ANTXR2: variants seen among roughly 807,000 people sequenced by gnomAD.
ANTXR2 encodes ANTXR cell adhesion molecule 2.
A neutral mutation model predicts 73.7 loss-of-function variants in ANTXR2; 44 were observed. The ratio of observed to expected loss-of-function variants is 0.60; its 90% CI spans 0.47 to 0.77. ANTXR2 has a LOEUF of 0.77. ANTXR2 is among the 30% of genes least tolerant of loss of function. The probability of loss-of-function intolerance (pLI) is 0.00; values close to 1 mark genes in which losing one functional copy is unlikely to be tolerated. For missense variants in ANTXR2, 604 were observed against 592.5 expected (o/e 1.02, Z -0.20); for synonymous variants, 217 against 205.9 (o/e 1.05, Z -0.46).
chr4:79,995,708 A>G (rs1730692031), intron 12 of ANTXR2, among the ~76,000 whole-genome samples: 1 of 151,990 alleles, frequency 6.6e-6, no homozygotes. Context: ...AGAACATTAG[A>G]GTTCTTTTCA....
intron 16 of ANTXR2, among the ~76,000 whole-genome samples, chr4:79,949,596 T>C (rs1371532891): frequency 6.6e-6 from 1 of 152,178 alleles, no homozygotes; most frequent in Non-Finnish European, 1.5e-5. Flanking sequence ...CTTTTTAAGT[T>C]TCTAACTCCA....
chr4:79,947,736 T>C (rs1728568249), intron 16 of ANTXR2, among the ~76,000 whole-genome samples: 2 of 152,166 alleles, frequency 1.3e-5, no homozygotes, highest in Non-Finnish European at 2.9e-5. Context: ...TGCACAATAA[T>C]TAGTATCCAC....
intron 11 of ANTXR2, among the ~76,000 whole-genome samples, chr4:80,012,017 G>T (rs1266507168): frequency 6.6e-6 from 1 of 152,212 alleles, no homozygotes; most frequent in African/African-American, 2.4e-5. Flanking sequence ...CAGGGTGACT[G>T]CTGCCCTTGC....
intron 16 of ANTXR2, among the ~76,000 whole-genome samples, chr4:79,959,662 C>T (rs1316745690): frequency 1.3e-5 from 2 of 152,222 alleles, no homozygotes; most frequent in African/African-American, 4.8e-5. Context: ...AGTTTAGATA[C>T]ATCTGGTGAG....
chr4:79,934,349 CA>C (rs1485870554), intron 16 of ANTXR2, among the ~76,000 whole-genome samples: 1 of 151,958 alleles, frequency 6.6e-6, no homozygotes, highest in African/African-American at 2.4e-5. Flanking sequence ...GCCAACATGG[CA>C]AAACCCTGAG....
intron 3 of ANTXR2, among the ~76,000 whole-genome samples, chr4:80,066,389 C>T (rs1057220464): frequency 1.3e-5 from 2 of 152,062 alleles, no homozygotes; most frequent in African/African-American, 4.8e-5. Flanking sequence ...TTTCTGCCAC[C>T]CCAAACTAAT....
intron 12 of ANTXR2, among the ~76,000 whole-genome samples, chr4:79,991,618 A>G (rs1251854645): frequency 6.6e-6 from 1 of 152,146 alleles, no homozygotes; most frequent in African/African-American, 2.4e-5. Flanking sequence ...TCCCAAAGGA[A>G]TATAAATCGT....
At chr4:79,914,896 C>A (rs1386997510) in intron 16 of ANTXR2, among the ~76,000 whole-genome samples, 5 of 152,120 alleles carry the variant, frequency 3.3e-5, no homozygotes, top group Non-Finnish European at 7.4e-5. Context: ...AAGAGCACAG[C>A]TCTGTGTGGA....
intron 16 of ANTXR2, among the ~76,000 whole-genome samples, chr4:79,966,127 GACACACACACAC>G (rs10549471): frequency 6.7e-6 from 1 of 149,408 alleles, no homozygotes; most frequent in Non-Finnish European, 1.5e-5. Context: ...CTAGGACTTA[GACACACACACAC>G]ACACACACAC....
chr4:79,929,264 C>A (rs1727962859), intron 16 of ANTXR2, among the ~76,000 whole-genome samples: 1 of 152,132 alleles, frequency 6.6e-6, no homozygotes, highest in Admixed American at 6.5e-5. Context: ...CCTGTAATCC[C>A]AGCACTTTGG....
chr4:79,928,521 T>A (rs546307809), intron 16 of ANTXR2, among the ~76,000 whole-genome samples: 6 of 152,282 alleles, frequency 3.9e-5, no homozygotes, highest in African/African-American at 1.4e-4. Context: ...GTTATACATG[T>A]TTTACCATAG....
At chr4:80,018,237 G>A (rs1450977367) in intron 11 of ANTXR2, among the ~76,000 whole-genome samples, 5 of 152,084 alleles carry the variant, frequency 3.3e-5, no homozygotes, top group African/African-American at 4.8e-5. Flanking sequence ...GGTTGGTCCT[G>A]TTTAGTGCTG....
intron 7 of ANTXR2, among the ~76,000 whole-genome samples, chr4:80,039,416 G>A (rs866541799): frequency 2.6e-5 from 4 of 152,154 alleles, no homozygotes; most frequent in Middle Eastern, 3.4e-3. Flanking sequence ...ACAAAAACAA[G>A]TTAATAGTCT....
At chr4:80,029,700 A>G (rs1732601403) in intron 10 of ANTXR2, among the ~76,000 whole-genome samples, 1 of 151,940 alleles carries the variant, frequency 6.6e-6, no homozygotes, top group African/African-American at 2.4e-5. Flanking sequence ...ATGATTAAAT[A>G]GGGTAAGTTA....
chr4:79,902,548 C>T lies in ANTXR2; in HGVS notation c.*4881G>A, dbSNP rs1726746326. 1.3e-5 allele frequency: 2 copies of T among 152,134 alleles called. No homozygotes were observed. The highest frequency in any genetic ancestry group is 4.8e-5 in the African/African-American group (2 of 41,440). 9.4% of individuals were successfully genotyped at this position (152,134 alleles called of 1,614,324 possible). On this transcript the variant is annotated 3_prime_UTR_variant, in exon 17 of 17. Coordinates refer to ENST00000403729, the MANE Select transcript of ANTXR2 (RefSeq NM_058172.6). ...CTTCTTTATATATGTTTTTAAGACACTTGCTAACCCTATGAAACCAGAGTG... is the reference window on the plus strand; with the variant it reads ...CTTCTTTATATATGTTTTTAAGACATTTGCTAACCCTATGAAACCAGAGTG...
At chr4:79,931,192 T>G (rs962727888) in intron 16 of ANTXR2, among the ~76,000 whole-genome samples, 3 of 152,228 alleles carry the variant, frequency 2.0e-5, no homozygotes, top group African/African-American at 7.2e-5. Flanking sequence ...TTTGCCAAAC[T>G]TGAAAATCTT....
At position 80,026,422 on chromosome 4, in the gene ANTXR2, A is replaced by G. The variant is rs186151486; in HGVS notation, c.866+5201T>C. Among the ~76,000 whole-genome samples, 233 of 152,312 alleles carry G rather than the reference A, an allele frequency of 1.5e-3. 1 individual carries two copies. The highest frequency in any genetic ancestry group is 5.5e-3 in the African/African-American group (228 of 41,586). ...CCTTGATAAATTACCCAGTCTCGGCAGTTCTTTATAGCAGTGTGAGAACGG... is the reference window on the plus strand; with the variant it reads ...CCTTGATAAATTACCCAGTCTCGGCGGTTCTTTATAGCAGTGTGAGAACGG... On this transcript the variant is annotated intron_variant, in intron 10 of 16. Coordinates refer to ENST00000403729, the MANE Select transcript of ANTXR2 (RefSeq NM_058172.6).
chr4:80,068,879 A>G (rs1250433725), intron 3 of ANTXR2, among the ~76,000 whole-genome samples: 2 of 152,348 alleles, frequency 1.3e-5, no homozygotes, highest in African/African-American at 2.4e-5. Context: ...CATTGGTCTG[A>G]AAAAGACACC....
rs112076051 is a variant in ANTXR2 at position 80,065,369 on chromosome 4, A to C, written c.296+4067T>G. On this transcript the variant is annotated intron_variant, in intron 3 of 16. Coordinates refer to ENST00000403729, the MANE Select transcript of ANTXR2 (RefSeq NM_058172.6). ...ATACATCCCTGGGCTATTTATGTGC[A>C]TGTGTATACCTCTACTCACACACAC... is the stretch of plus-strand genomic sequence containing the variant. Among the ~76,000 whole-genome samples the C allele has an allele frequency of 2.7e-3, 416 of 152,214 alleles. 2 individuals carry two copies. The highest frequency in any genetic ancestry group is 9.1e-3 in the African/African-American group (376 of 41,524).
Sources: gnomAD v4.1 joint callset for allele counts (sites outside exome capture counted in the v4.1 genomes callset) on GRCh38, gnomAD v4.1.1 for gene constraint, MANE v1.5 for transcripts, NCBI Gene and HGNC (gene_info 2026-07-23, HGNC 2026-07-21) for gene names.